Variants in TTC7A observed in about 807,000 individuals in gnomAD.
TTC7A encodes tetratricopeptide repeat domain 7A.
A neutral mutation model predicts 103.7 loss-of-function variants in TTC7A; 110 were observed. The ratio of observed to expected loss-of-function variants is 1.06; its 90% CI spans 0.91 to 1.24. The LOEUF (loss-of-function observed/expected upper bound fraction) is 1.24, where lower values mean the gene tolerates loss of function less well. Ranked by LOEUF, TTC7A falls within the 50% of genes most tolerant of loss-of-function variation. TTC7A has a pLI of 0.00. For synonymous variants in TTC7A, 521 were observed against 467.9 expected (o/e 1.11, Z -1.47); for missense variants, 1,340 against 1,116.3 (o/e 1.20, Z -2.86).
chr2:47,053,996 C>A, intron 18 of TTC7A: 1 of 558,928 alleles, frequency 1.8e-6, no homozygotes, highest in Non-Finnish European at 2.3e-6. Flanking sequence ...AAAGGCCCTC[C>A]TGAAGCCAGT....
chr2:47,071,015 T>G (rs1684640550), intron 19 of TTC7A: 1 of 151,996 alleles, frequency 6.6e-6, no homozygotes, highest in Non-Finnish European at 1.5e-5. Context: ...TGGATGAAAT[T>G]GAGATGTCAG....
chr2:47,073,717 C>G lies in TTC7A; in HGVS notation c.2371C>G (p.Arg791Gly), dbSNP rs762546562. Residue 791 changes from arginine to glycine, a missense_variant, in exon 20 of 20, where the codon CGG becomes GGG. By Grantham distance (125) the Arg-to-Gly change is moderately radical. Coordinates refer to ENST00000319190, the MANE Select transcript of TTC7A (RefSeq NM_020458.4). ...IMHSLGLMLS[R>G]LGHKSLAQKV... Reference sequence around the variant, plus strand: ...TCGTCCACAGGGTCTGATGCTGAGTCGGCTGGGCCACAAGAGCTTGGCCCA... The same window carrying G: ...TCGTCCACAGGGTCTGATGCTGAGTGGGCTGGGCCACAAGAGCTTGGCCCA... 1 of 1,613,764 alleles carries G rather than the reference C, an allele frequency of 6.2e-7. No homozygotes were observed. The highest frequency in any genetic ancestry group is 8.5e-7 in the Non-Finnish European group (1 of 1,180,008).
intron 5 of TTC7A, among the ~76,000 whole-genome samples, chr2:46,984,258 G>C (rs558725001): frequency 6.6e-6 from 1 of 152,226 alleles, no homozygotes; most frequent in African/African-American, 2.4e-5. Context: ...ACTGAGCTGA[G>C]CCCCTGGGGA....
intron 5 of TTC7A, among the ~76,000 whole-genome samples, chr2:46,984,979 A>G (rs1402263229): frequency 6.6e-6 from 1 of 152,092 alleles, no homozygotes; most frequent in African/African-American, 2.4e-5. Context: ...GGGACCCTGA[A>G]TCACCATTCT....
rs1685088790 is a variant in TTC7A at position 47,074,784 on chromosome 2, G to C, written c.*861G>C. Reference sequence around the variant, plus strand: ...GATTCGAGCCTCACCCTGGCCTTTTGGCTTCCCCTGCCTGAGAGAGACCTG... The same window carrying C: ...GATTCGAGCCTCACCCTGGCCTTTTCGCTTCCCCTGCCTGAGAGAGACCTG... On this transcript the variant is annotated 3_prime_UTR_variant, in exon 20 of 20. Transcript: ENST00000319190. 6.6e-6 allele frequency: 1 copy of C among 152,424 alleles called. No homozygotes were observed. The highest frequency in any genetic ancestry group is 2.4e-5 in the African/African-American group (1 of 41,424). 9.4% of individuals were successfully genotyped at this position (152,424 alleles called of 1,614,324 possible). A position where few individuals can be genotyped will look rare whatever the true frequency, so the allele number is the denominator to read the frequency against.
At chr2:47,057,756 C>G (rs1573056412) in intron 18 of TTC7A, among the ~76,000 whole-genome samples, 1 of 152,224 alleles carries the variant, frequency 6.6e-6, no homozygotes, top group African/African-American at 2.4e-5. Flanking sequence ...CTTCCTTGTC[C>G]TCTTAGTCCA....
chr2:47,019,252 G>T (rs1679018153), intron 11 of TTC7A, among the ~76,000 whole-genome samples: 1 of 152,056 alleles, frequency 6.6e-6, no homozygotes, highest in African/African-American at 2.4e-5. Flanking sequence ...CAAAATTATG[G>T]CCGGATGTGT....
chr2:47,069,525 C>T (rs1684482508), intron 19 of TTC7A, among the ~76,000 whole-genome samples: 1 of 152,136 alleles, frequency 6.6e-6, no homozygotes, highest in Non-Finnish European at 1.5e-5. Flanking sequence ...CCCACCCCAG[C>T]ACTGGGTGGG....
At chr2:47,015,015 G>T (rs1024703670) in intron 11 of TTC7A, among the ~76,000 whole-genome samples, 2 of 152,244 alleles carry the variant, frequency 1.3e-5, no homozygotes, top group African/African-American at 4.8e-5. Flanking sequence ...GCTGATTCGG[G>T]GGTTTGCACC....
intron 15 of TTC7A, among the ~76,000 whole-genome samples, chr2:47,030,369 C>T (rs926874181): frequency 6.6e-6 from 1 of 152,144 alleles, no homozygotes; most frequent in Non-Finnish European, 1.5e-5. Flanking sequence ...CACCTCTGTC[C>T]ATCCCCAGCC....
At position 47,049,974 on chromosome 2, in the gene TTC7A, G is replaced by A. The variant is rs751063430; in HGVS notation, c.1945G>A (p.Gly649Ser). The change falls in exon 17 of 20, where the codon GGT becomes AGT. Residue 649 changes from glycine (G) to serine (S), a missense_variant. Physicochemically the swap from Gly to Ser is moderately conservative, Grantham distance 56 (BLOSUM62 0). Coordinates refer to ENST00000319190, the MANE Select transcript of TTC7A (RefSeq NM_020458.4). ...AGGCCTAGAAAAGGATGGCAGCTTC[G>A]GTGAGGGCCTCACCATGAAGAAGCA... is the stretch of plus-strand genomic sequence containing the variant. Reference protein sequence around the residue: ...LGGLEKDGSFGEGLTMKKQSG... With the variant: ...LGGLEKDGSFSEGLTMKKQSG... 1.7e-5 allele frequency: 28 copies of A among 1,614,098 alleles called. No individual in the cohort carries two copies. The highest frequency in any genetic ancestry group is 6.7e-5 in the Admixed American group (4 of 60,026).
chr2:47,070,062 G>C (rs1045417824), intron 19 of TTC7A, among the ~76,000 whole-genome samples: 1 of 152,162 alleles, frequency 6.6e-6, no homozygotes, highest in African/African-American at 2.4e-5. Flanking sequence ...CCCAGGGCAG[G>C]CCCCCCTCAA....
At chr2:46,927,189 T>G (rs1201498201) in intron 2 of TTC7A, among the ~76,000 whole-genome samples, 2 of 151,688 alleles carry the variant, frequency 1.3e-5, no homozygotes, top group East Asian at 1.9e-4. Flanking sequence ...TTTGAAGAGA[T>G]AATATCTAAA....
At chr2:46,940,708 C>A (rs529396592), upstream of TTC7A, among the ~76,000 whole-genome samples, 1 of 152,352 alleles carries the variant, frequency 6.6e-6, no homozygotes, top group East Asian at 1.9e-4. This position sits in a 1 kb window ranked among gnomAD's most constrained non-coding sequence, Gnocchi z 4.7. Flanking sequence ...ACAAATGCTC[C>A]CAGCAGAGGG....
chr2:46,942,220 C>T (rs1670491331), intron 1 of TTC7A, among the ~76,000 whole-genome samples: 1 of 152,160 alleles, frequency 6.6e-6, no homozygotes, highest in Non-Finnish European at 1.5e-5. Flanking sequence ...CTTGGCCAGC[C>T]TCAGTTTCCT....
At chr2:47,045,499 C>G (rs1317086911) in intron 15 of TTC7A, 2 of 152,412 alleles carry the variant, frequency 1.3e-5, no homozygotes, top group African/African-American at 4.8e-5. Flanking sequence ...GGCCACTCCC[C>G]ACACTGGTCT....
At chr2:47,016,991 G>C (rs1678727828) in intron 11 of TTC7A, among the ~76,000 whole-genome samples, 1 of 152,058 alleles carries the variant, frequency 6.6e-6, no homozygotes, top group Non-Finnish European at 1.5e-5. Context: ...CCGAGGTCAG[G>C]AGTTCGAGAC....
intron 2 of TTC7A, among the ~76,000 whole-genome samples, chr2:46,931,050 A>C (rs1669675665): frequency 6.6e-6 from 1 of 152,244 alleles, no homozygotes; most frequent in Non-Finnish European, 1.5e-5. Context: ...TAGCAATTCA[A>C]ATCAAACAAT....
chr2:47,054,239 T>TA (rs1558633879), intron 18 of TTC7A: 1 of 869,682 alleles, frequency 1.1e-6, no homozygotes, highest in Non-Finnish European at 1.4e-6. Flanking sequence ...GGTGGGTGCT[T>TA]ATTTCTTTCT....
Sources: allele counts gnomAD v4.1 joint callset (sites outside exome capture counted in the v4.1 genomes callset), GRCh38; gene constraint gnomAD v4.1.1; non-coding constraint Gnocchi (gnomAD v3.1); transcripts MANE v1.5; gene names NCBI Gene and HGNC (gene_info 2026-07-23, HGNC 2026-07-21).